KCNH7: variants seen among roughly 807,000 people sequenced by gnomAD.
The protein encoded by KCNH7 is potassium voltage-gated channel subfamily H member 7.
In KCNH7, 49 loss-of-function variants were observed where a neutral mutation model predicts 120.8. The observed-to-expected ratio is 0.41, with a 90% CI of 0.32 to 0.51. The LOEUF (loss-of-function observed/expected upper bound fraction) is 0.51, where lower values mean the gene tolerates loss of function less well. KCNH7 is among the 20% of genes least tolerant of loss of function. The pLI, the probability that KCNH7 is intolerant of heterozygous loss-of-function variation, is 0.38. For synonymous variants in KCNH7, 547 were observed against 516.1 expected, an observed-to-expected ratio of 1.06 and a Z score of -0.81; for missense variants, 1,097 against 1,446.6, an observed-to-expected ratio of 0.76 and a Z score of 3.92.
chr2:162,513,496 TC>T (rs1201171100), intron 4 of KCNH7, among the ~76,000 whole-genome samples: 4 of 144,742 alleles, frequency 2.8e-5, no homozygotes, highest in African/African-American at 7.6e-5. Flanking sequence ...CTTCCTTCCT[TC>T]CTTCCTTCTT....
intron 2 of KCNH7, among the ~76,000 whole-genome samples, chr2:162,816,697 T>A (rs2105581541): frequency 6.6e-6 from 1 of 152,236 alleles, no homozygotes; most frequent in East Asian, 1.9e-4. Flanking sequence ...AACAATAGAT[T>A]TAGTTTGTTT....
chr2:162,609,431 A>G (rs1477958912), intron 2 of KCNH7, among the ~76,000 whole-genome samples: 3 of 152,074 alleles, frequency 2.0e-5, no homozygotes, highest in Non-Finnish European at 4.4e-5. Context: ...CGGATTTTCA[A>G]TACTTACAGG....
At chr2:162,730,680 T>C (rs938215864) in intron 2 of KCNH7, among the ~76,000 whole-genome samples, 1 of 152,006 alleles carries the variant, frequency 6.6e-6, no homozygotes, top group Non-Finnish European at 1.5e-5. Flanking sequence ...ACATAAAGCA[T>C]AGCAGACACT....
intron 2 of KCNH7, among the ~76,000 whole-genome samples, chr2:162,717,670 C>T (rs1687176010): frequency 6.6e-6 from 1 of 152,074 alleles, no homozygotes; most frequent in Admixed American, 6.6e-5. Context: ...TTCCCCATAG[C>T]TCTTCTTACC....
intron 8 of KCNH7, among the ~76,000 whole-genome samples, chr2:162,426,153 G>T (rs536062413): frequency 1.7e-3 from 260 of 150,162 alleles, no homozygotes; most frequent in Middle Eastern, 0.01. Flanking sequence ...GGCTCAGGTT[G>T]CAGTGAGCCA....
chr2:162,378,333 A>G (rs1018799917), intron 14 of KCNH7, among the ~76,000 whole-genome samples: 2 of 152,216 alleles, frequency 1.3e-5, no homozygotes, highest in African/African-American at 4.8e-5. Context: ...ACCTTTTCCT[A>G]TGCTCACCAA....
At position 162,603,923 on chromosome 2, in the gene KCNH7, A is replaced by G. The variant is rs147793893; in HGVS notation, c.308-66843T>C. Among the ~76,000 whole-genome samples, 805 of 152,276 alleles carry G rather than the reference A, an allele frequency of 5.3e-3. 10 individuals carry two copies. Among genetic ancestry groups the G allele is most frequent in the African/African-American group, 0.018 (766 of 41,586 alleles). On this transcript the variant is annotated intron_variant, in intron 2 of 15. Transcript: ENST00000332142. ...TTTCATTTGTTATAGATGGTAGACA[A>G]ATACCTAATTGTGTTTAAATATACA...
At chr2:162,413,499 CCCA>C (rs1370705954) in intron 9 of KCNH7, among the ~76,000 whole-genome samples, 19 of 152,088 alleles carry the variant, frequency 1.2e-4, no homozygotes, top group South Asian at 1.0e-3. Flanking sequence ...CCCAATTATA[CCCA>C]ATGATGTAAT....
chr2:162,818,854 C>T (rs776462526), intron 2 of KCNH7, among the ~76,000 whole-genome samples: 25 of 152,040 alleles, frequency 1.6e-4, no homozygotes, highest in Non-Finnish European at 2.5e-4. Flanking sequence ...CGGCAAGTGA[C>T]CAAAGTTAAC....
intron 2 of KCNH7, among the ~76,000 whole-genome samples, chr2:162,603,802 A>C (rs1264544021): frequency 6.6e-6 from 1 of 152,318 alleles, no homozygotes; most frequent in South Asian, 2.1e-4. Context: ...CAAGAATGGA[A>C]AGATTTAGCT....
Position 162,621,252 on chromosome 2 carries a change from C to CTT in KCNH7, c.308-84174_308-84173dup, listed in dbSNP as rs35494887. 6.9e-3 allele frequency among the ~76,000 whole-genome samples: 358 copies of CTT among 52,050 alleles called. 58 individuals carry two copies. The highest frequency in any genetic ancestry group is 0.019 in the African/African-American group (235 of 12,328). The allele number at this position is 52,050 out of a possible 152,430, so 34.1% of individuals were successfully genotyped here. Reference sequence around the variant, plus strand: ...TGCTTCACAATCTGGGTATCATCATCTTTTTTTTTTTTTTTTTTTTTTTTT... The same window carrying CTT: ...TGCTTCACAATCTGGGTATCATCATCTTTTTTTTTTTTTTTTTTTTTTTTTTT... On this transcript the variant is annotated intron_variant, in intron 2 of 15. Transcript: ENST00000332142.
intron 2 of KCNH7, among the ~76,000 whole-genome samples, chr2:162,813,250 C>T (rs957966418): frequency 1.3e-5 from 2 of 152,140 alleles, no homozygotes; most frequent in Admixed American, 6.6e-5. Flanking sequence ...GGTCAACCCA[C>T]TTTAACCTTC....
intron 6 of KCNH7, among the ~76,000 whole-genome samples, chr2:162,496,420 G>A (rs1387837589): frequency 4.6e-5 from 7 of 152,072 alleles, no homozygotes; most frequent in Admixed American, 4.6e-4. Flanking sequence ...ATGGAGGGGA[G>A]CCACCTGGAA....
intron 2 of KCNH7, among the ~76,000 whole-genome samples, chr2:162,718,566 G>A (rs976063275): frequency 1.3e-5 from 2 of 151,940 alleles, no homozygotes; most frequent in Non-Finnish European, 2.9e-5. Flanking sequence ...GAAACATAAT[G>A]AGACTCTCCT....
intron 2 of KCNH7, among the ~76,000 whole-genome samples, chr2:162,637,042 C>A (rs528207328): frequency 6.6e-6 from 1 of 152,186 alleles, no homozygotes; most frequent in African/African-American, 2.4e-5. Flanking sequence ...CAAGAAAATT[C>A]AATATTGGAT....
At chr2:162,588,974 C>T (rs1163251725) in intron 2 of KCNH7, among the ~76,000 whole-genome samples, 2 of 152,024 alleles carry the variant, frequency 1.3e-5, no homozygotes, top group African/African-American at 4.8e-5. Context: ...CCTGGCTAAC[C>T]AGGAGCCCTG....
chr2:162,715,741 G>C (rs1032362121), intron 2 of KCNH7, among the ~76,000 whole-genome samples: 2 of 151,938 alleles, frequency 1.3e-5, no homozygotes, highest in East Asian at 1.9e-4. Context: ...TTAGATAAAG[G>C]GTACATATAT....
intron 5 of KCNH7, among the ~76,000 whole-genome samples, chr2:162,508,092 C>G (rs1690944007): frequency 6.6e-6 from 1 of 151,518 alleles, no homozygotes; most frequent in Non-Finnish European, 1.5e-5. Flanking sequence ...GTTAGGGAAT[C>G]ATGTTGATAT....
intron 2 of KCNH7, among the ~76,000 whole-genome samples, chr2:162,584,814 C>A (rs1262761369): frequency 2.0e-5 from 3 of 150,472 alleles, no homozygotes; most frequent in East Asian, 4.0e-4. Flanking sequence ...GAGCATGAGG[C>A]CTAAGTTTTG....
Sources: gnomAD v4.1 joint callset for allele counts (sites outside exome capture counted in the v4.1 genomes callset) on GRCh38, gnomAD v4.1.1 for gene constraint, MANE v1.5 for transcripts, NCBI Gene and HGNC (gene_info 2026-07-23, HGNC 2026-07-21) for gene names.